The following AGBL4 variants were observed in gnomAD, a reference collection of about 807,000 sequenced individuals.
AGBL4 encodes the protein AGBL carboxypeptidase 4, also known as cytosolic carboxypeptidase 6.
In AGBL4, 58 loss-of-function variants were observed where a neutral mutation model predicts 66.4. The observed-to-expected ratio is 0.87, with a 90% CI of 0.71 to 1.09. The LOEUF (loss-of-function observed/expected upper bound fraction) is 1.09, where lower values mean the gene tolerates loss of function less well. Among genes scored for constraint, AGBL4 ranks in the 50% least tolerant of loss-of-function variants. AGBL4 has a pLI of 0.00. For synonymous variants in AGBL4, 234 were observed against 222.9 expected (o/e 1.05, Z -0.44); for missense variants, 579 against 631.0 (o/e 0.92, Z 0.88).
intron 4 of AGBL4, among the ~76,000 whole-genome samples, chr1:49,073,479 G>A (rs1419780918): frequency 1.3e-5 from 2 of 152,072 alleles, no homozygotes; most frequent in Non-Finnish European, 2.9e-5. Context: ...CTTCCTCTTT[G>A]TCAGTTTTCC....
At chr1:48,856,064 C>T (rs1190611170) in intron 6 of AGBL4, among the ~76,000 whole-genome samples, 2 of 152,004 alleles carry the variant, frequency 1.3e-5, no homozygotes. Context: ...CAAAATTATA[C>T]ATGCAGAGAA....
At chr1:49,285,972 G>T (rs147433776) in intron 3 of AGBL4, among the ~76,000 whole-genome samples, 364 of 152,084 alleles carry the variant, frequency 2.4e-3, no homozygotes, top group African/African-American at 8.0e-3. Flanking sequence ...AATAAAATAC[G>T]GGCAAAATGA....
intron 6 of AGBL4, among the ~76,000 whole-genome samples, chr1:48,709,593 T>TATTATTATTATG (rs1646932647): frequency 6.8e-6 from 1 of 147,276 alleles, no homozygotes; most frequent in Non-Finnish European, 1.5e-5. Flanking sequence ...GCATTATTAT[T>TATTATTATTATG]ATTATTATTA....
intron 1 of AGBL4, among the ~76,000 whole-genome samples, chr1:49,946,181 A>T (rs528552551): frequency 7.5e-5 from 10 of 133,746 alleles, no homozygotes; most frequent in Non-Finnish European, 1.3e-4. Context: ...AATAAAAAAA[A>T]TTTAAACTAC....
intron 9 of AGBL4, among the ~76,000 whole-genome samples, chr1:48,619,652 G>A (rs1046464679): frequency 6.6e-6 from 1 of 152,196 alleles, no homozygotes; most frequent in Non-Finnish European, 1.5e-5. Context: ...ATAGCCTGGA[G>A]CTAAACTCTA....
intron 2 of AGBL4, among the ~76,000 whole-genome samples, chr1:49,829,391 G>C (rs182419794): frequency 7.0e-4 from 106 of 152,300 alleles, no homozygotes; most frequent in African/African-American, 2.2e-3. Flanking sequence ...GGGTAAGACA[G>C]TATTGGAAAG....
At chr1:49,609,775 T>C (rs2124222064) in intron 3 of AGBL4, among the ~76,000 whole-genome samples, 1 of 152,300 alleles carries the variant, frequency 6.6e-6, no homozygotes, top group East Asian at 1.9e-4. Flanking sequence ...CTGGTGTCTA[T>C]TGTTTGCTTT....
At position 48,736,361 on chromosome 1, in the gene AGBL4, G is replaced by T; in HGVS notation, c.635-73120C>A. 1 of 1,614,040 alleles carries T rather than the reference G, an allele frequency of 6.2e-7. No homozygotes were observed. The highest frequency in any genetic ancestry group is 8.5e-7 in the Non-Finnish European group (1 of 1,179,990). ...AACATCTGTTCCCCAAATCATAACT[G>T]CCAAGTTCTTCGTGTACTTGGAATC... On this transcript the variant is annotated intron_variant, in intron 6 of 13. Transcript: ENST00000371839. The surrounding 1 kb of genome is among the most constrained non-coding windows in gnomAD (Gnocchi z 4.0).
At chr1:49,096,008 C>A (rs891337048) in intron 4 of AGBL4, among the ~76,000 whole-genome samples, 1 of 151,978 alleles carries the variant, frequency 6.6e-6, no homozygotes, top group African/African-American at 2.4e-5. Flanking sequence ...AACAAACAAC[C>A]CCATCAAAAA....
intron 3 of AGBL4, among the ~76,000 whole-genome samples, chr1:49,302,208 C>A (rs1055255744): frequency 4.6e-5 from 7 of 151,644 alleles, no homozygotes; most frequent in African/African-American, 1.5e-4. Context: ...AAAAAAAACT[C>A]TTGAAATTAA....
rs199998442 is a variant in AGBL4, at chr1:49,838,847, T to TA, written c.157+12548dup. On this transcript the variant is annotated intron_variant, in intron 2 of 13. Transcript: ENST00000371839. ...TCTAGTGGTACCTTAAATTGTTATT[T>TA]AAAAAAAACTCAACCATATTTAATA... Among the ~76,000 whole-genome samples, 7 of 152,120 alleles carry TA rather than the reference T, an allele frequency of 4.6e-5. No individual in the cohort carries two copies. The South Asian group carries it at 8.3e-4, about 18-fold the overall frequency.
At chr1:48,588,817 G>GAAGAGAAGAGAAGAGAAGAGAAGAGAA (rs2148344107) in intron 10 of AGBL4, among the ~76,000 whole-genome samples, 2 of 145,490 alleles carry the variant, frequency 1.4e-5, no homozygotes, top group African/African-American at 5.1e-5. Context: ...GAAGAGAAGA[G>GAAGAGAAGAGAAGAGAAGAGAAGAGAA]AAGAGAAGAG....
At chr1:48,881,403 G>A (rs1391677613) in intron 5 of AGBL4, among the ~76,000 whole-genome samples, 2 of 152,020 alleles carry the variant, frequency 1.3e-5, no homozygotes, top group South Asian at 2.1e-4. Flanking sequence ...GACTTTTCAC[G>A]TGTATCTGTC....
chr1:49,426,194 C>T (rs989251019), intron 3 of AGBL4, among the ~76,000 whole-genome samples: 4 of 151,874 alleles, frequency 2.6e-5, no homozygotes, highest in South Asian at 2.1e-4. Context: ...AATAATACAG[C>T]GGGAGAGGGG....
At chr1:48,863,620 G>C (rs1237298900) in intron 6 of AGBL4, among the ~76,000 whole-genome samples, 1 of 151,962 alleles carries the variant, frequency 6.6e-6, no homozygotes, top group Non-Finnish European at 1.5e-5. Flanking sequence ...AGCGTGGTAG[G>C]CCAATGCAAT....
chr1:48,985,600 T>C (rs3121514), intron 5 of AGBL4, among the ~76,000 whole-genome samples: 93,596 of 151,862 alleles, frequency 0.62, 29,315 homozygotes, highest in Middle Eastern at 0.68. Context: ...GCAAATACTT[T>C]TCTGGTGTCA....
chr1:49,796,120 T>C (rs967623465), intron 2 of AGBL4, among the ~76,000 whole-genome samples: 2 of 151,838 alleles, frequency 1.3e-5, no homozygotes, highest in African/African-American at 2.4e-5. Context: ...GCAAAAGATA[T>C]GAACAGGTAA....
At position 49,900,761 on chromosome 1, in the gene AGBL4, C is replaced by T. The variant is rs565881127; in HGVS notation, c.35-49243G>A. ...CTCCTGGGACACTCCTCTGATTCAA[C>T]AAGCTAAGAATAACATTCTATCGCA... On this transcript the variant is annotated intron_variant, in intron 1 of 13. Transcript: ENST00000371839. Among the ~76,000 whole-genome samples the T allele has an allele frequency of 7.2e-5, 11 of 152,354 alleles. No homozygotes were observed. In the South Asian group the frequency reaches 2.3e-3, roughly 32 times the overall value.
chr1:49,975,368 G>C lies in AGBL4; in HGVS notation c.34+48395C>G, dbSNP rs533650333. Reference sequence around the variant, plus strand: ...GCATGCAGTGAAAACAGTTCTGCAAGTTTACCACTTTGCATAAATGGTGTA... The same window carrying C: ...GCATGCAGTGAAAACAGTTCTGCAACTTTACCACTTTGCATAAATGGTGTA... On this transcript the variant is annotated intron_variant, in intron 1 of 13. Transcript: ENST00000371839. Among the ~76,000 whole-genome samples the C allele has an allele frequency of 7.8e-4, 119 of 152,272 alleles. 1 individual carries two copies. In the South Asian group the frequency reaches 0.024, roughly 31 times the overall value.
Sources: allele counts gnomAD v4.1 joint callset (sites outside exome capture counted in the v4.1 genomes callset), GRCh38; gene constraint gnomAD v4.1.1; non-coding constraint Gnocchi (gnomAD v3.1); transcripts MANE v1.5; gene names NCBI Gene and HGNC (gene_info 2026-07-23, HGNC 2026-07-21).